Variants in CNTNAP5 observed in about 807,000 individuals in gnomAD.
CNTNAP5 encodes contactin-associated protein-like 5.
Under a neutral mutation model 150.2 loss-of-function variants are expected in CNTNAP5, and 72 were observed. That is an observed-to-expected ratio of 0.48 (90% CI 0.40 to 0.58). CNTNAP5 has a LOEUF of 0.58. Ranked by LOEUF, CNTNAP5 falls within the 20% of genes least tolerant of loss-of-function variation. CNTNAP5 has a pLI of 0.00. For missense variants in CNTNAP5, 1,636 were observed against 1,626.2 expected (o/e 1.01, Z -0.10); for synonymous variants, 672 against 619.8 (o/e 1.08, Z -1.25).
intron 6 of CNTNAP5, among the ~76,000 whole-genome samples, chr2:124,455,955 G>A (rs1006658252): frequency 4.6e-5 from 7 of 152,076 alleles, no homozygotes; most frequent in Non-Finnish European, 5.9e-5. Context: ...CACATGCAAC[G>A]TAATACTGAG....
chr2:124,111,428 C>T (rs1184424388), intron 1 of CNTNAP5, among the ~76,000 whole-genome samples: 1 of 152,178 alleles, frequency 6.6e-6, no homozygotes, highest in South Asian at 2.1e-4. Flanking sequence ...CTTGGCATGA[C>T]TGATTCTGAC....
At chr2:124,167,897 G>A (rs1197938920) in intron 1 of CNTNAP5, among the ~76,000 whole-genome samples, 1 of 152,132 alleles carries the variant, frequency 6.6e-6, no homozygotes, top group Non-Finnish European at 1.5e-5. Context: ...AAGAAAGGGA[G>A]GGAGTACCAG....
chr2:124,707,176 A>AGAAGAAGAAGAAGAAGAT lies in CNTNAP5; in HGVS notation c.2078-40036_2078-40035insTGAAGAAGAAGAAGAAGA, dbSNP rs1558743877. Reference sequence around the variant, plus strand: ...AAGAAGAAGAAGAAGAAGAAGAAGAAGAAGAAGAAGAAGAAGAAGAAGAAG... The same window carrying AGAAGAAGAAGAAGAAGAT: ...AAGAAGAAGAAGAAGAAGAAGAAGAAGAAGAAGAAGAAGAAGATGAAGAAGAAGAAGAAGAAGAAGAAG... On this transcript the variant is annotated intron_variant, in intron 13 of 23. Coordinates refer to ENST00000682447, the MANE Select transcript of CNTNAP5 (RefSeq NM_001367498.1). Among the ~76,000 whole-genome samples, 4 of 121,632 alleles carry AGAAGAAGAAGAAGAAGAT rather than the reference A, an allele frequency of 3.3e-5. No individual in the cohort carries two copies. The East Asian group carries it at 9.5e-4, about 29-fold the overall frequency. The allele number at this position is 121,632 out of a possible 152,430, so 79.8% of individuals were successfully genotyped here.
intron 1 of CNTNAP5, among the ~76,000 whole-genome samples, chr2:124,031,003 C>T (rs976444926): frequency 5.3e-5 from 8 of 152,084 alleles, no homozygotes; most frequent in Admixed American, 3.3e-4. Context: ...TCCTCCAACA[C>T]AAAGTTATGA....
chr2:124,500,420 G>A (rs553386388), intron 7 of CNTNAP5, among the ~76,000 whole-genome samples: 58 of 152,300 alleles, frequency 3.8e-4, no homozygotes, highest in Non-Finnish European at 3.1e-4. Context: ...TAGCCAAGGA[G>A]TAGGGTGGGG....
At chr2:124,139,318 G>A (rs1327165844) in intron 1 of CNTNAP5, among the ~76,000 whole-genome samples, 1 of 150,906 alleles carries the variant, frequency 6.6e-6, no homozygotes, top group Admixed American at 6.6e-5. Context: ...AGACAAAAAA[G>A]CTCTCAAGAT....
intron 4 of CNTNAP5, among the ~76,000 whole-genome samples, chr2:124,421,384 A>T (rs968771758): frequency 3.9e-5 from 6 of 152,138 alleles, no homozygotes; most frequent in Admixed American, 2.0e-4. Context: ...CTCTCCATCC[A>T]CTTGTCTATG....
intron 1 of CNTNAP5, among the ~76,000 whole-genome samples, chr2:124,221,105 C>T (rs909777401): frequency 6.6e-5 from 10 of 152,222 alleles, no homozygotes; most frequent in African/African-American, 1.2e-4. Context: ...GAAGTAAATA[C>T]CAGATTCAGA....
chr2:124,049,455 A>T (rs1185152233), intron 1 of CNTNAP5, among the ~76,000 whole-genome samples: 1 of 152,224 alleles, frequency 6.6e-6, no homozygotes, highest in Non-Finnish European at 1.5e-5. Context: ...ACTTTTATGT[A>T]TAACTTAGAC....
intron 17 of CNTNAP5, among the ~76,000 whole-genome samples, chr2:124,776,897 C>G (rs543831422): frequency 8.6e-5 from 13 of 151,776 alleles, no homozygotes; most frequent in Admixed American, 4.6e-4. Context: ...TCTACTATTC[C>G]CCCATAAAAG....
At position 124,322,326 on chromosome 2, in the gene CNTNAP5, C is replaced by T. The variant is rs554914057; in HGVS notation, c.381+79933C>T. On this transcript the variant is annotated intron_variant, in intron 3 of 23. Coordinates refer to ENST00000682447, the MANE Select transcript of CNTNAP5 (RefSeq NM_001367498.1). ...AAAATTTGTCAGGGCTTGGCACCTGCAGCACAGGTTAGAGATTGCATTCAT... is the reference window on the plus strand; with the variant it reads ...AAAATTTGTCAGGGCTTGGCACCTGTAGCACAGGTTAGAGATTGCATTCAT... Among the ~76,000 whole-genome samples the T allele has an allele frequency of 2.7e-4, 41 of 152,236 alleles. No homozygotes were observed. The South Asian group carries it at 8.1e-3, about 30-fold the overall frequency.
In CNTNAP5 at chr2:124,486,203, T is replaced by C. The variant is rs571813460; in HGVS notation, c.1062+11321T>C. ...TATTCTACGTGAAGTAACTCAGTAATGGAAAATCAAACATCAGAAGTTCTC... is the reference window on the plus strand; with the variant it reads ...TATTCTACGTGAAGTAACTCAGTAACGGAAAATCAAACATCAGAAGTTCTC... On this transcript the variant is annotated intron_variant, in intron 7 of 23. Coordinates refer to ENST00000682447, the MANE Select transcript of CNTNAP5 (RefSeq NM_001367498.1). Among the ~76,000 whole-genome samples, 61 of 152,246 alleles carry C rather than the reference T, an allele frequency of 4.0e-4. No homozygotes were observed. The Middle Eastern group carries it at 0.014, about 34-fold the overall frequency.
At chr2:124,783,661 T>A (rs1414846464) in intron 17 of CNTNAP5, among the ~76,000 whole-genome samples, 1 of 152,176 alleles carries the variant, frequency 6.6e-6, no homozygotes, top group Admixed American at 6.6e-5. Flanking sequence ...TCCAGTTTCC[T>A]GAGGGGGTTT....
At chr2:124,585,184 A>G (rs1260698894) in intron 11 of CNTNAP5, among the ~76,000 whole-genome samples, 2 of 152,178 alleles carry the variant, frequency 1.3e-5, no homozygotes, top group Non-Finnish European at 1.5e-5. Context: ...CAGGGGCTCA[A>G]TCAGCTTCTA....
chr2:124,246,022 A>T (rs189192180), intron 3 of CNTNAP5, among the ~76,000 whole-genome samples: 12 of 152,126 alleles, frequency 7.9e-5, no homozygotes, highest in Admixed American at 2.6e-4. Context: ...GGCTTGAGCC[A>T]CCGCACCTGG....
intron 19 of CNTNAP5, among the ~76,000 whole-genome samples, chr2:124,846,926 C>T (rs879445130): frequency 6.6e-5 from 10 of 152,160 alleles, no homozygotes; most frequent in Non-Finnish European, 1.3e-4. Context: ...ATATGATTTG[C>T]CTTCTGATCT....
At chr2:124,613,093 C>A (rs1677419912) in intron 12 of CNTNAP5, among the ~76,000 whole-genome samples, 1 of 152,110 alleles carries the variant, frequency 6.6e-6, no homozygotes, top group Non-Finnish European at 1.5e-5. Flanking sequence ...AAAAGCAAAG[C>A]TCTGTGTAGG....
intron 19 of CNTNAP5, among the ~76,000 whole-genome samples, chr2:124,822,588 T>C (rs778341612): frequency 2.2e-4 from 33 of 152,168 alleles, no homozygotes; most frequent in Admixed American, 2.6e-4. Context: ...ATTTAGTCTT[T>C]TCTTTAAATA....
intron 14 of CNTNAP5, among the ~76,000 whole-genome samples, chr2:124,760,266 C>T (rs997304952): frequency 1.3e-5 from 2 of 151,828 alleles, no homozygotes; most frequent in African/African-American, 2.4e-5. Flanking sequence ...ATATATATAA[C>T]GTTTTATTTG....
Sources: gnomAD v4.1 joint callset for allele counts (sites outside exome capture counted in the v4.1 genomes callset) on GRCh38, gnomAD v4.1.1 for gene constraint, MANE v1.5 for transcripts, NCBI Gene and HGNC (gene_info 2026-07-23, HGNC 2026-07-21) for gene names.